The following SGIP1 variants were observed in gnomAD, a reference collection of about 807,000 sequenced individuals.
SGIP1 encodes the protein SH3GL interacting endocytic adaptor 1.
A neutral mutation model predicts 107.5 loss-of-function variants in SGIP1; 38 were observed. The ratio of observed to expected loss-of-function variants is 0.35; its 90% CI spans 0.27 to 0.46. The LOEUF is 0.46. Among genes scored for constraint, SGIP1 ranks in the 20% least tolerant of loss-of-function variants. The probability of loss-of-function intolerance (pLI) is 1.00; values close to 1 mark genes in which losing one functional copy is unlikely to be tolerated. For synonymous variants in SGIP1, 365 were observed against 366.1 expected, an observed-to-expected ratio of 1.00 and a Z score of 0.03; for missense variants, 929 against 1,019.5, an observed-to-expected ratio of 0.91 and a Z score of 1.21.
chr1:66,602,913 G>A (rs1482167028), intron 1 of SGIP1, among the ~76,000 whole-genome samples: 1 of 152,110 alleles, frequency 6.6e-6, no homozygotes, highest in East Asian at 1.9e-4. Flanking sequence ...AGGAAATTAA[G>A]CCCTCAATTA....
At chr1:66,681,222 T>G (rs534637258) in intron 14 of SGIP1, among the ~76,000 whole-genome samples, 1 of 152,324 alleles carries the variant, frequency 6.6e-6, no homozygotes, top group African/African-American at 2.4e-5. Context: ...GGTGTATATA[T>G]CTGTATTTGT....
chr1:66,702,714 A>C (rs952421351), intron 18 of SGIP1, among the ~76,000 whole-genome samples: 3 of 152,182 alleles, frequency 2.0e-5, no homozygotes, highest in African/African-American at 7.2e-5. Context: ...CTCACTGATA[A>C]TGTAGTTTCT....
At chr1:66,607,997 G>A (rs959186167) in intron 1 of SGIP1, among the ~76,000 whole-genome samples, 2 of 152,152 alleles carry the variant, frequency 1.3e-5, no homozygotes, top group Non-Finnish European at 2.9e-5. Flanking sequence ...CGTGTACATG[G>A]TCAAGGCATT....
chr1:66,694,116 AATT>A (rs773889791), intron 17 of SGIP1, among the ~76,000 whole-genome samples: 13 of 152,196 alleles, frequency 8.5e-5, no homozygotes, highest in Non-Finnish European at 1.5e-4. Context: ...TGCATAAGTC[AATT>A]ATTAATGACA....
chr1:66,648,687 G>A (rs781185948), intron 7 of SGIP1, among the ~76,000 whole-genome samples: 16 of 152,110 alleles, frequency 1.1e-4, no homozygotes, highest in Non-Finnish European at 2.1e-4. Flanking sequence ...GTTTCTTTGC[G>A]CTGGCACCTA....
intron 1 of SGIP1, among the ~76,000 whole-genome samples, chr1:66,574,323 T>G (rs551630481): frequency 6.6e-6 from 1 of 152,078 alleles, no homozygotes; most frequent in Non-Finnish European, 1.5e-5. Context: ...AAAAGTGACT[T>G]AATTGTGTAT....
At chr1:66,586,712 A>G (rs1006723033) in intron 1 of SGIP1, among the ~76,000 whole-genome samples, 1 of 152,146 alleles carries the variant, frequency 6.6e-6, no homozygotes, top group African/African-American at 2.4e-5. Flanking sequence ...AAAATAATTT[A>G]TAAAGCTCAA....
chr1:66,535,378 C>T (rs972481283), intron 1 of SGIP1, among the ~76,000 whole-genome samples: 1 of 152,168 alleles, frequency 6.6e-6, no homozygotes, highest in African/African-American at 2.4e-5. Context: ...CTCAAATCAG[C>T]CATGAAAATG....
At chr1:66,670,219 T>G (rs760923807) in intron 9 of SGIP1, among the ~76,000 whole-genome samples, 4 of 152,186 alleles carry the variant, frequency 2.6e-5, no homozygotes, top group Non-Finnish European at 5.9e-5. Flanking sequence ...CAACTTCTGG[T>G]TTTTAATCAA....
intron 1 of SGIP1, among the ~76,000 whole-genome samples, chr1:66,603,422 T>A (rs1057027941): frequency 6.6e-6 from 1 of 152,150 alleles, no homozygotes; most frequent in African/African-American, 2.4e-5. Flanking sequence ...ATTTTAAAAA[T>A]GAGCAAACAA....
intron 1 of SGIP1, among the ~76,000 whole-genome samples, chr1:66,556,339 G>A (rs918221238): frequency 6.6e-5 from 10 of 152,058 alleles, no homozygotes; most frequent in Admixed American, 1.3e-4. Context: ...CAAGGCTAAC[G>A]GCAGGATGTG....
chr1:66,661,943 C>G (rs2081576600), intron 8 of SGIP1, among the ~76,000 whole-genome samples: 1 of 151,924 alleles, frequency 6.6e-6, no homozygotes, highest in African/African-American at 2.4e-5. Flanking sequence ...TTGATGATAC[C>G]TTGGTTACTA....
At chr1:66,576,889 C>A (rs1219752341) in intron 1 of SGIP1, among the ~76,000 whole-genome samples, 1 of 152,116 alleles carries the variant, frequency 6.6e-6, no homozygotes, top group Non-Finnish European at 1.5e-5. Context: ...CTTATTTTCC[C>A]TCCCACCTTC....
At chr1:66,585,728 G>C (rs908485382) in intron 1 of SGIP1, among the ~76,000 whole-genome samples, 2 of 152,012 alleles carry the variant, frequency 1.3e-5, no homozygotes, top group Non-Finnish European at 2.9e-5. Flanking sequence ...GACCTCAGGT[G>C]ATCCACCCAC....
intron 14 of SGIP1, 124 bp from the exon 15 acceptor site, chr1:66,681,745 T>A: frequency 1.1e-6 from 1 of 912,204 alleles, no homozygotes; most frequent in Non-Finnish European, 1.7e-6. Context: ...TATTTTTACA[T>A]CATGAAGTAT....
chr1:66,567,485 T>G (rs1440306044), intron 1 of SGIP1, among the ~76,000 whole-genome samples: 1 of 152,228 alleles, frequency 6.6e-6, no homozygotes, highest in East Asian at 1.9e-4. Context: ...TTTCTTTTGC[T>G]GTGCAGAAGA....
intron 7 of SGIP1, among the ~76,000 whole-genome samples, chr1:66,651,853 G>T (rs968613168): frequency 5.3e-5 from 8 of 152,194 alleles, no homozygotes; most frequent in Non-Finnish European, 8.8e-5. Context: ...GTTAAGGAAT[G>T]ATGTCCATTT....
At chr1:66,655,518 T>G (rs1251841688) in intron 7 of SGIP1, among the ~76,000 whole-genome samples, 1 of 152,212 alleles carries the variant, frequency 6.6e-6, no homozygotes, top group Non-Finnish European at 1.5e-5. Context: ...TAATTGTTGT[T>G]AGGCAATTTT....
At chr1:66,648,510 T>C (rs950999418) in intron 7 of SGIP1, among the ~76,000 whole-genome samples, 2 of 152,182 alleles carry the variant, frequency 1.3e-5, no homozygotes, top group Non-Finnish European at 2.9e-5. Context: ...GCCTCCTTTG[T>C]TCACCACACA....
Sources: allele counts gnomAD v4.1 joint callset (sites outside exome capture counted in the v4.1 genomes callset), GRCh38; gene constraint gnomAD v4.1.1; transcripts MANE v1.5; gene names NCBI Gene and HGNC (gene_info 2026-07-23, HGNC 2026-07-21).